MTCH2: variants seen among roughly 807,000 people sequenced by gnomAD.
The protein encoded by MTCH2 is mitochondrial carrier 2, also known as mitochondrial carrier homolog 2.
A neutral mutation model predicts 50.6 loss-of-function variants in MTCH2; 25 were observed. The observed-to-expected ratio is 0.49, with a 90% CI of 0.36 to 0.69. MTCH2 has a LOEUF of 0.69. Among genes scored for constraint, MTCH2 ranks in the 30% least tolerant of loss-of-function variants. The pLI, the probability that MTCH2 is intolerant of heterozygous loss-of-function variation, is 0.00. For synonymous variants in MTCH2, 106 were observed against 132.0 expected (o/e 0.80, Z 1.35); for missense variants, 273 against 384.4 (o/e 0.71, Z 2.42).
At chr11:47,630,881 T>C (rs2153799717) in intron 7 of MTCH2, among the ~76,000 whole-genome samples, 155 bp downstream of exon 7, 1 of 152,332 alleles carries the variant, frequency 6.6e-6, no homozygotes, top group South Asian at 2.1e-4. Flanking sequence ...TGGGTATATT[T>C]TCTCCCATTT....
the MTCH2 span, among the ~76,000 whole-genome samples, chr11:47,610,572 G>A: frequency 6.6e-6 from 1 of 152,084 alleles, no homozygotes; most frequent in Non-Finnish European, 1.5e-5. Context: ...GGGTGTGATG[G>A]CACGTGCCTG....
chr11:47,625,924 C>T (rs181464629), intron 10 of MTCH2, among the ~76,000 whole-genome samples, 183 bp from the exon 11 acceptor site: 10 of 152,284 alleles, frequency 6.6e-5, no homozygotes, highest in Admixed American at 1.3e-4. Context: ...TCTTAGCACA[C>T]CACTGCATCC....
rs758801310 is a variant in MTCH2 at position 47,627,195 on chromosome 11, CCTTTT to C, written c.634-73_634-69del. 434 of 1,229,210 alleles carry C rather than the reference CCTTTT, an allele frequency of 3.5e-4. 3 individuals carry two copies. The highest frequency in any genetic ancestry group is 1.6e-3 in the South Asian group (112 of 69,474). 76.1% of individuals were successfully genotyped at this position (1,229,210 alleles called of 1,614,324 possible). A position where few individuals can be genotyped will look rare whatever the true frequency, so the allele number is the denominator to read the frequency against. On this transcript the variant is annotated intron_variant, in intron 9 of 12. Transcript: ENST00000302503. ...ACAACACATCAATATATTCTTTTTTCCTTTTCTTTTCTTTTCTTTTTTTCTTTCAG... is the reference window on the plus strand; with the variant it reads ...ACAACACATCAATATATTCTTTTTTCCTTTTCTTTTCTTTTTTTCTTTCAG...
In MTCH2 at chr11:47,638,470, C is replaced by T. The variant is rs576730228; in HGVS notation, c.279+229G>A. Among the ~76,000 whole-genome samples, 43 of 68,644 alleles carry T rather than the reference C, an allele frequency of 6.3e-4. No individual in the cohort carries two copies. In the South Asian group the frequency reaches 0.011, roughly 17 times the overall value. The allele number at this position is 68,644 out of a possible 152,430, so 45.0% of individuals were successfully genotyped here. A position where few individuals can be genotyped will look rare whatever the true frequency, so the allele number is the denominator to read the frequency against. The stretch of plus-strand genomic sequence containing the variant: ...CTGAGGCAGGAGAATGACGTGAACC[C>T]GGCAGGCGGAGTTTGCAGTGAGCCC... On this transcript the variant is annotated intron_variant, in intron 3 of 12. Coordinates refer to ENST00000302503, the MANE Select transcript of MTCH2 (RefSeq NM_014342.4).
At chr11:47,620,336 G>C (rs977665343) in intron 12 of MTCH2, among the ~76,000 whole-genome samples, 1 of 151,992 alleles carries the variant, frequency 6.6e-6, no homozygotes, top group African/African-American at 2.4e-5. Context: ...GGGCTTAGCG[G>C]TATGTGCCTG....
the MTCH2 span, among the ~76,000 whole-genome samples, chr11:47,608,577 G>A: frequency 6.6e-6 from 1 of 152,188 alleles, no homozygotes; most frequent in African/African-American, 2.4e-5. Context: ...GAGAGCAGCT[G>A]CCAGTGCGGC....
intron 10 of MTCH2, 88 bp from the exon 11 acceptor site, chr11:47,625,829 G>T: frequency 1.0e-6 from 1 of 990,724 alleles, no homozygotes; most frequent in Non-Finnish European, 1.6e-6. Context: ...GTGCCACTGC[G>T]GTGAGACACT....
intron 3 of MTCH2, among the ~76,000 whole-genome samples, chr11:47,637,131 A>G (rs1185434578): frequency 3.3e-5 from 5 of 152,002 alleles, no homozygotes; most frequent in East Asian, 1.9e-4. Flanking sequence ...CTGGGATTAC[A>G]TGCGCCCACC....
At chr11:47,612,951 T>C (rs1306300146), downstream of MTCH2, among the ~76,000 whole-genome samples, 2 of 152,130 alleles carry the variant, frequency 1.3e-5, no homozygotes, top group Non-Finnish European at 2.9e-5. Flanking sequence ...TCACCCAGGC[T>C]GGAGTGCAGT....
intron 10 of MTCH2, among the ~76,000 whole-genome samples, chr11:47,625,948 A>C (rs1447418888): frequency 1.3e-5 from 2 of 152,072 alleles, no homozygotes; most frequent in African/African-American, 4.8e-5. Context: ...ATTTTAACAA[A>C]AGGCCAGAAG....
At chr11:47,635,704 C>A in intron 3 of MTCH2, 133 bp from the exon 4 acceptor site, 2 of 746,004 alleles carry the variant, frequency 2.7e-6, no homozygotes, top group African/African-American at 1.8e-5. Flanking sequence ...TTTTTTTAAG[C>A]TGCAAATCTT....
intron 1 of MTCH2, among the ~76,000 whole-genome samples, chr11:47,642,123 G>A (rs1163461018): frequency 2.0e-5 from 3 of 152,212 alleles, no homozygotes; most frequent in East Asian, 1.9e-4. Context: ...CCGCCGGGCA[G>A]GGCAGGGCCG....
At chr11:47,639,729 T>C (rs2097312226) in intron 1 of MTCH2, among the ~76,000 whole-genome samples, 1 of 151,914 alleles carries the variant, frequency 6.6e-6, no homozygotes, top group African/African-American at 2.4e-5. Context: ...TCTCAGCTAC[T>C]TGGGAGGCTG....
the MTCH2 span, among the ~76,000 whole-genome samples, chr11:47,608,053 A>T: frequency 6.6e-6 from 1 of 152,200 alleles, no homozygotes; most frequent in Non-Finnish European, 1.5e-5. Flanking sequence ...CCATATCAGA[A>T]TCTGGGCTTT....
intron 12 of MTCH2, among the ~76,000 whole-genome samples, chr11:47,620,717 C>A (rs1200090733): frequency 6.6e-6 from 1 of 152,130 alleles, no homozygotes; most frequent in Non-Finnish European, 1.5e-5. Flanking sequence ...TGAGTACACT[C>A]TGGAGTATAA....
At chr11:47,619,058 A>G in intron 12 of MTCH2, 139 bp from the exon 13 acceptor site, 1 of 728,740 alleles carries the variant, frequency 1.4e-6, no homozygotes, top group Non-Finnish European at 2.4e-6. Context: ...AACAAGGATT[A>G]GTATTCTCTG....
At chr11:47,634,875 T>C in intron 4 of MTCH2, 141 bp from the exon 5 acceptor site, 1 of 517,816 alleles carries the variant, frequency 1.9e-6, no homozygotes, top group Non-Finnish European at 3.4e-6. Flanking sequence ...TGGGTACAAG[T>C]GCTTCTCCTG....
At chr11:47,619,458 TCCTGA>T (rs2097291209) in intron 12 of MTCH2, among the ~76,000 whole-genome samples, 1 of 151,922 alleles carries the variant, frequency 6.6e-6, no homozygotes, top group Admixed American at 6.6e-5. Flanking sequence ...GGTCTCAAAC[TCCTGA>T]CCTCAAGTGA....
At chr11:47,637,114 T>C (rs2097309436) in intron 3 of MTCH2, among the ~76,000 whole-genome samples, 1 of 151,892 alleles carries the variant, frequency 6.6e-6, no homozygotes, top group Non-Finnish European at 1.5e-5. Context: ...CTCAGCCTCC[T>C]GAGTAGCTGG....
Sources: gnomAD v4.1 joint callset for allele counts (sites outside exome capture counted in the v4.1 genomes callset) on GRCh38, gnomAD v4.1.1 for gene constraint, MANE v1.5 for transcripts, NCBI Gene and HGNC (gene_info 2026-07-23, HGNC 2026-07-21) for gene names.